Variants in CHMP5 observed in about 807,000 individuals in gnomAD.
The protein encoded by CHMP5 is charged multivesicular body protein 5.
CHMP5 carries 17 observed loss-of-function variants against 33.0 expected under a neutral mutation model. The observed-to-expected ratio is 0.52, with a 90% CI of 0.35 to 0.77. The LOEUF is 0.77. Ranked by LOEUF, CHMP5 falls within the 30% of genes least tolerant of loss-of-function variation. The pLI is 0.01. For missense variants in CHMP5, 216 were observed against 261.5 expected, an observed-to-expected ratio of 0.83 and a Z score of 1.20; for synonymous variants, 76 against 90.2, an observed-to-expected ratio of 0.84 and a Z score of 0.89.
chr9:33,265,051 T>TG lies in CHMP5; in HGVS notation c.-27dup. On this transcript the variant is annotated 5_prime_UTR_variant, in exon 1 of 8. Coordinates refer to ENST00000223500, the MANE Select transcript of CHMP5 (RefSeq NM_016410.6). ...GCTTCCGTTTCTGGTTTTGCTCTAGTGTTTGGGTTTCTTCGCGGCTGCTCA... is the reference window on the plus strand; with the variant it reads ...GCTTCCGTTTCTGGTTTTGCTCTAGTGGTTTGGGTTTCTTCGCGGCTGCTCA... 1 of 1,613,968 alleles carries TG rather than the reference T, an allele frequency of 6.2e-7. No individual in the cohort carries two copies. The highest frequency in any genetic ancestry group is 8.5e-7 in the Non-Finnish European group (1 of 1,179,808).
chr9:33,269,348 A>T (rs1437994259), intron 3 of CHMP5, among the ~76,000 whole-genome samples: 1 of 152,144 alleles, frequency 6.6e-6, no homozygotes, highest in Non-Finnish European at 1.5e-5. Context: ...CACTAAAAAT[A>T]CAAAAATTAG....
At chr9:33,276,944 C>G (rs1180739313) in intron 6 of CHMP5, among the ~76,000 whole-genome samples, 2 of 152,086 alleles carry the variant, frequency 1.3e-5, no homozygotes, top group Non-Finnish European at 2.9e-5. Context: ...GCCCTAATCC[C>G]AGCACTTTGG....
rs1052389219 is a variant in CHMP5, at chr9:33,282,058, T to C, written c.*1199T>C. 1.3e-5 allele frequency: 2 copies of C among 152,194 alleles called. No homozygotes were observed. Among genetic ancestry groups the C allele is most frequent in the African/African-American group, 4.8e-5 (2 of 41,436 alleles). 9.4% of individuals were successfully genotyped at this position (152,194 alleles called of 1,614,324 possible). On this transcript the variant is annotated 3_prime_UTR_variant, in exon 8 of 8. Coordinates refer to ENST00000223500, the MANE Select transcript of CHMP5 (RefSeq NM_016410.6). ...TGTCTGCAGATCAAACCAATAAACATTTAGGAACACCAGCTTTGTAGAAGT... is the reference window on the plus strand; with the variant it reads ...TGTCTGCAGATCAAACCAATAAACACTTAGGAACACCAGCTTTGTAGAAGT...
In CHMP5 at chr9:33,265,111, G is replaced by C. The variant is rs377277774; in HGVS notation, c.33G>C (p.Lys11Asn). 6.8e-6 allele frequency: 11 copies of C among 1,614,060 alleles called. No individual in the cohort carries two copies. The African/African-American group carries it at 1.2e-4, about 18-fold the overall frequency. Reference protein sequence around the residue: MNRLFGKAKPKAPPPSLTDCI... With the variant: MNRLFGKAKPNAPPPSLTDCI... ...GACTCTTCGGGAAAGCGAAACCCAAGGCTCCGCCGCCCAGCCTGACTGACT... is the reference window on the plus strand; with the variant it reads ...GACTCTTCGGGAAAGCGAAACCCAACGCTCCGCCGCCCAGCCTGACTGACT... The change falls in exon 1 of 8, where the codon AAG becomes AAC. Residue 11 changes from lysine to asparagine, a missense_variant. Coordinates refer to ENST00000223500, the MANE Select transcript of CHMP5 (RefSeq NM_016410.6).
chr9:33,267,781 G>A, intron 2 of CHMP5, 72 bp from the exon 3 acceptor site: 1 of 969,088 alleles, frequency 1.0e-6, no homozygotes, highest in Non-Finnish European at 1.7e-6. Flanking sequence ...GTGAGTTTGA[G>A]GCTATGGGAA....
chr9:33,266,930 C>T (rs1312498755), intron 2 of CHMP5, among the ~76,000 whole-genome samples: 2 of 152,176 alleles, frequency 1.3e-5, no homozygotes, highest in African/African-American at 4.8e-5. Context: ...AGCACATGGA[C>T]TGTGGATATA....
intron 6 of CHMP5, among the ~76,000 whole-genome samples, chr9:33,276,804 A>G (rs1191009287): frequency 6.6e-6 from 1 of 152,176 alleles, no homozygotes; most frequent in Non-Finnish European, 1.5e-5. Context: ...GGTGCTTGGT[A>G]TCTGTAAGTG....
chr9:33,277,190 CAA>C (rs59657807), intron 6 of CHMP5, among the ~76,000 whole-genome samples: 24 of 53,394 alleles, frequency 4.5e-4, no homozygotes, highest in African/African-American at 6.2e-4. Flanking sequence ...GACCTTCTCT[CAA>C]AAAAAAAAAA....
intron 7 of CHMP5, among the ~76,000 whole-genome samples, chr9:33,279,870 A>AC (rs1820901766): frequency 6.6e-6 from 1 of 151,104 alleles, no homozygotes; most frequent in Non-Finnish European, 1.5e-5. Flanking sequence ...CAATCTCAAA[A>AC]AAAAAAAAAA....
intron 5 of CHMP5, among the ~76,000 whole-genome samples, chr9:33,271,776 C>G (rs1281149669): frequency 1.3e-5 from 2 of 152,270 alleles, no homozygotes; most frequent in African/African-American, 4.8e-5. Context: ...CAAGGAACTT[C>G]TATATTATGA....
intron 7 of CHMP5, among the ~76,000 whole-genome samples, chr9:33,280,544 G>C (rs1820909948): frequency 6.6e-6 from 1 of 152,058 alleles, no homozygotes. Context: ...CCCTTTCCAG[G>C]TTTACTCTTA....
intron 5 of CHMP5, among the ~76,000 whole-genome samples, chr9:33,273,721 C>CT (rs566756721): frequency 1.1e-3 from 154 of 142,930 alleles, no homozygotes; most frequent in Middle Eastern, 3.6e-3. Context: ...TAGCTTAGTG[C>CT]TTTTTTTTTT....
chr9:33,278,796 G>A (rs865990807), intron 7 of CHMP5, among the ~76,000 whole-genome samples: 20 of 152,132 alleles, frequency 1.3e-4, no homozygotes, highest in African/African-American at 4.6e-4. Context: ...CTTAGCTATT[G>A]TAAGCTTTTC....
At chr9:33,277,763 G>A (rs1820872752) in intron 6 of CHMP5, 1 of 178,626 alleles carries the variant, frequency 5.6e-6, no homozygotes, top group African/African-American at 2.4e-5. Flanking sequence ...GATTTCTATT[G>A]TGTGATTCCC....
intron 5 of CHMP5, among the ~76,000 whole-genome samples, chr9:33,273,261 C>T (rs1167939057): frequency 2.6e-5 from 4 of 151,228 alleles, no homozygotes; most frequent in Non-Finnish European, 5.9e-5. Context: ...TATGAGCCAC[C>T]ACTCCCAGCC....
At chr9:33,270,859 A>G (rs987324825) in intron 4 of CHMP5, 143 bp downstream of exon 4, 26 of 692,486 alleles carry the variant, frequency 3.8e-5, no homozygotes, top group Non-Finnish European at 5.4e-5. Context: ...AGGTGGGTGG[A>G]TCACCTGATG....
chr9:33,278,958 C>T (rs1298280562), intron 7 of CHMP5, among the ~76,000 whole-genome samples: 2 of 152,124 alleles, frequency 1.3e-5, no homozygotes, highest in Non-Finnish European at 1.5e-5. Context: ...GAGACTCATT[C>T]TGTCACTCAG....
intron 5 of CHMP5, among the ~76,000 whole-genome samples, chr9:33,273,133 C>G (rs1023839612): frequency 2.0e-5 from 3 of 152,078 alleles, no homozygotes; most frequent in African/African-American, 7.2e-5. Flanking sequence ...CCACACCCAG[C>G]TAATTTTTGT....
intron 3 of CHMP5, among the ~76,000 whole-genome samples, chr9:33,269,438 A>G (rs958893647): frequency 1.3e-5 from 2 of 151,848 alleles, no homozygotes; most frequent in African/African-American, 4.8e-5. Context: ...CAGGAGGCAG[A>G]GGTTACAGTG....
Sources: gnomAD v4.1 joint callset for allele counts (sites outside exome capture counted in the v4.1 genomes callset) on GRCh38, gnomAD v4.1.1 for gene constraint, MANE v1.5 for transcripts, NCBI Gene and HGNC (gene_info 2026-07-23, HGNC 2026-07-21) for gene names.